GPA33: variants seen among roughly 807,000 people sequenced by gnomAD.
The protein encoded by GPA33 is glycoprotein A33.
GPA33 carries 27 observed loss-of-function variants against 35.6 expected under a neutral mutation model. The observed-to-expected ratio is 0.76, with a 90% CI of 0.56 to 1.04. GPA33 has a LOEUF of 1.04. Among genes scored for constraint, GPA33 ranks in the 50% least tolerant of loss-of-function variants. GPA33 has a pLI of 0.00. For missense variants in GPA33, 428 were observed against 411.9 expected, an observed-to-expected ratio of 1.04 and a Z score of -0.34; for synonymous variants, 176 against 164.0, an observed-to-expected ratio of 1.07 and a Z score of -0.56.
intron 1 of GPA33, among the ~76,000 whole-genome samples, chr1:167,073,793 C>G (rs114726435): frequency 0.012 from 1,828 of 152,294 alleles, 56 homozygotes; most frequent in African/African-American, 0.042. Context: ...AACCTCAGCC[C>G]TACTTCTTAC....
At chr1:167,086,395 T>C (rs1402209782) in intron 1 of GPA33, among the ~76,000 whole-genome samples, 1 of 152,222 alleles carries the variant, frequency 6.6e-6, no homozygotes, top group African/African-American at 2.4e-5. Context: ...CAGGGTCTCA[T>C]CAGAAGTGCA....
chr1:167,060,419 G>A (rs1020326974), intron 4 of GPA33, among the ~76,000 whole-genome samples: 4 of 152,194 alleles, frequency 2.6e-5, no homozygotes, highest in Admixed American at 6.5e-5. Context: ...GAGTGGAAAC[G>A]AAGGCTTTGA....
rs1420842445 is a variant in GPA33 at position 167,053,259 on chromosome 1, C to A, written c.*1075G>T. 1 of 152,304 alleles carries A rather than the reference C, an allele frequency of 6.6e-6. No homozygotes were observed. The highest frequency in any genetic ancestry group is 1.5e-5 in the Non-Finnish European group (1 of 68,070). The allele number at this position is 152,304 out of a possible 1,614,324, so 9.4% of individuals were successfully genotyped here. A position where few individuals can be genotyped will look rare whatever the true frequency, so the allele number is the denominator to read the frequency against. On this transcript the variant is annotated 3_prime_UTR_variant, in exon 7 of 7. Transcript: ENST00000367868. Reference sequence around the variant, plus strand: ...GGCCTGGAGAGGAATTACCAGGACACAAGAACTCAGACCATCTGCAAGCAA... The same window carrying A: ...GGCCTGGAGAGGAATTACCAGGACAAAAGAACTCAGACCATCTGCAAGCAA...
chr1:167,067,873 G>T lies in GPA33; in HGVS notation c.415+1049C>A, dbSNP rs566606195. Among the ~76,000 whole-genome samples, 13 of 152,238 alleles carry T rather than the reference G, an allele frequency of 8.5e-5. No individual in the cohort carries two copies. The East Asian group carries it at 2.3e-3, about 27-fold the overall frequency. ...GAAAGGAAAAGAGAAAAGTATGCAA[G>T]AGTGTGTGTGTGTTGAAAGGACATG... On this transcript the variant is annotated intron_variant, in intron 3 of 6. Transcript: ENST00000367868.
chr1:167,056,849 T>TGTG (rs1666310732), intron 4 of GPA33, among the ~76,000 whole-genome samples: 1 of 22,756 alleles, frequency 4.4e-5, no homozygotes, highest in Admixed American at 5.1e-4. Context: ...GAGTGTGTAA[T>TGTG]GTGTGTGGTG....
chr1:167,064,712 C>G (rs1447640814), intron 3 of GPA33, among the ~76,000 whole-genome samples: 1 of 152,206 alleles, frequency 6.6e-6, no homozygotes, highest in Non-Finnish European at 1.5e-5. Context: ...TCTCTGAAGC[C>G]TTCCACTCTT....
intron 1 of GPA33, among the ~76,000 whole-genome samples, chr1:167,079,484 CAAAAA>C (rs59745946): frequency 1.3e-5 from 1 of 75,614 alleles, no homozygotes; most frequent in African/African-American, 3.8e-5. Flanking sequence ...ACTCCGTCTC[CAAAAA>C]AAAAAAAAAA....
chr1:167,079,647 G>A lies in GPA33; in HGVS notation c.44-6108C>T, dbSNP rs148795402. On this transcript the variant is annotated intron_variant, in intron 1 of 6. Coordinates refer to ENST00000367868, the MANE Select transcript of GPA33 (RefSeq NM_005814.3). ...ATAATTTGAGACGAGAAGTTATTCCGTGTTTAAGAACTTTATGCCAACAGC... is the reference window on the plus strand; with the variant it reads ...ATAATTTGAGACGAGAAGTTATTCCATGTTTAAGAACTTTATGCCAACAGC... Among the ~76,000 whole-genome samples, 52 of 152,288 alleles carry A rather than the reference G, an allele frequency of 3.4e-4. No individual in the cohort carries two copies. In the East Asian group the frequency reaches 6.6e-3, roughly 19 times the overall value.
At chr1:167,069,202 G>T in intron 2 of GPA33, 64 bp from the exon 3 acceptor site, 1 of 1,105,944 alleles carries the variant, frequency 9.0e-7, no homozygotes, top group Non-Finnish European at 1.3e-6. Flanking sequence ...CTTCCAGCCT[G>T]CCCTGACTAC....
Position 167,054,147 on chromosome 1 carries a change from A to G in GPA33, c.*187T>C. On this transcript the variant is annotated 3_prime_UTR_variant, in exon 7 of 7. Coordinates refer to ENST00000367868, the MANE Select transcript of GPA33 (RefSeq NM_005814.3). Reference sequence around the variant, plus strand: ...TACTTCACAGGACAGTGAGGTCAGCAGGATCAGCACAGGGACCCCCTTACC... The same window carrying G: ...TACTTCACAGGACAGTGAGGTCAGCGGGATCAGCACAGGGACCCCCTTACC... 1 of 698,444 alleles carries G rather than the reference A, an allele frequency of 1.4e-6. No homozygotes were observed. The highest frequency in any genetic ancestry group is 2.4e-6 in the Non-Finnish European group (1 of 423,470). The allele number at this position is 698,444 out of a possible 1,614,324, so 43.3% of individuals were successfully genotyped here.
chr1:167,088,643 C>T (rs1438687198), intron 1 of GPA33, among the ~76,000 whole-genome samples: 2 of 152,192 alleles, frequency 1.3e-5, no homozygotes, highest in African/African-American at 4.8e-5. Flanking sequence ...ATGTCCTGCT[C>T]CAGGCAATTC....
intron 4 of GPA33, 99 bp downstream of exon 4, chr1:167,063,483 G>T: frequency 1.9e-6 from 2 of 1,046,912 alleles, no homozygotes; most frequent in South Asian, 1.6e-5. Context: ...CGGCCTTCAG[G>T]GGGATCTGAT....
chr1:167,079,746 A>G (rs1218054542), intron 1 of GPA33, among the ~76,000 whole-genome samples: 2 of 152,242 alleles, frequency 1.3e-5, no homozygotes, highest in Non-Finnish European at 2.9e-5. Context: ...TTCTGACATT[A>G]CTGGCAATGA....
At chr1:167,070,870 G>A (rs925701447) in intron 2 of GPA33, among the ~76,000 whole-genome samples, 2 of 152,176 alleles carry the variant, frequency 1.3e-5, no homozygotes, top group Non-Finnish European at 2.9e-5. Context: ...GACTTCCAGG[G>A]TAAGAGTTTT....
chr1:167,063,312 G>C (rs559886210), intron 4 of GPA33, among the ~76,000 whole-genome samples: 1 of 152,336 alleles, frequency 6.6e-6, no homozygotes, highest in East Asian at 1.9e-4. Flanking sequence ...GGGAGGCTGA[G>C]GCAGAAGAAT....
Position 167,057,404 on chromosome 1 carries a change from C to T in GPA33, c.572-1555G>A, listed in dbSNP as rs374925434. The stretch of plus-strand genomic sequence containing the variant: ...TCCTCTAATTTTGCTGCAGAGCCAG[C>T]CTTGCCTGATCCCTGCTGCCACCAG... On this transcript the variant is annotated intron_variant, in intron 4 of 6. Coordinates refer to ENST00000367868, the MANE Select transcript of GPA33 (RefSeq NM_005814.3). 1.2e-4 allele frequency among the ~76,000 whole-genome samples: 18 copies of T among 152,248 alleles called. No individual in the cohort carries two copies. In the East Asian group the frequency reaches 1.4e-3, roughly 11 times the overall value.
Position 167,063,748 on chromosome 1 carries a change from G to A in GPA33, c.416-11C>T, listed in dbSNP as rs767429910. The A allele has an allele frequency of 1.2e-6, 2 of 1,608,814 alleles. No homozygotes were observed. The highest frequency in any genetic ancestry group is 8.5e-7 in the Non-Finnish European group (1 of 1,177,726). ...GTTTGGAGGGTGGCACTATATAGAG[G>A]AGAGACCAAAGAGAAGGCATGAGGC... On this transcript the variant is annotated splice_polypyrimidine_tract_variant and intron_variant, in intron 3 of 6. Coordinates refer to ENST00000367868, the MANE Select transcript of GPA33 (RefSeq NM_005814.3).
chr1:167,079,673 C>T (rs1317946593), intron 1 of GPA33, among the ~76,000 whole-genome samples: 3 of 152,128 alleles, frequency 2.0e-5, no homozygotes, highest in African/African-American at 7.2e-5. Flanking sequence ...TGCCAACAGC[C>T]ATCTTGGGAA....
Position 167,087,779 on chromosome 1 carries a change from G to A in GPA33, c.43+2466C>T, listed in dbSNP as rs1002633018. Among the ~76,000 whole-genome samples, 5 of 152,030 alleles carry A rather than the reference G, an allele frequency of 3.3e-5. No homozygotes were observed. The East Asian group carries it at 9.6e-4, about 29-fold the overall frequency. On this transcript the variant is annotated intron_variant, in intron 1 of 6. Coordinates refer to ENST00000367868, the MANE Select transcript of GPA33 (RefSeq NM_005814.3). ...AAAATACAAAAAATTAGCTGGGCAT[G>A]GTGGTGCATGCCTGTAATCCCAGCT...
Sources: allele counts gnomAD v4.1 joint callset (sites outside exome capture counted in the v4.1 genomes callset), GRCh38; gene constraint gnomAD v4.1.1; transcripts MANE v1.5; gene names NCBI Gene and HGNC (gene_info 2026-07-23, HGNC 2026-07-21).